FAT4: variants seen among roughly 807,000 people sequenced by gnomAD.
The protein encoded by FAT4 is FAT atypical cadherin 4, also known as protocadherin Fat 4.
Under a neutral mutation model 303.9 loss-of-function variants are expected in FAT4, and 84 were observed. That is an observed-to-expected ratio of 0.28 (90% CI 0.23 to 0.33). FAT4 has a LOEUF of 0.33. Ranked by LOEUF, FAT4 falls within the 10% of genes least tolerant of loss-of-function variation. The pLI is 1.00. For missense variants in FAT4, 6,005 were observed against 6,146.8 expected (o/e 0.98, Z 0.77); for synonymous variants, 2,307 against 2,298.8 (o/e 1.00, Z -0.10).
chr4:125,437,784 A>G (rs1197707541), intron 8 of FAT4, among the ~76,000 whole-genome samples: 1 of 152,226 alleles, frequency 6.6e-6, no homozygotes, highest in African/African-American at 2.4e-5. Flanking sequence ...AGTTGTGTGG[A>G]ATTGAATCCT....
intron 7 of FAT4, among the ~76,000 whole-genome samples, chr4:125,426,557 A>G (rs1560815442): frequency 6.6e-6 from 1 of 152,032 alleles, no homozygotes; most frequent in South Asian, 2.1e-4. Context: ...ATTATTCTAA[A>G]TCATTTATTT....
At chr4:125,402,114 A>C (rs2126015499) in intron 3 of FAT4, among the ~76,000 whole-genome samples, 1 of 152,082 alleles carries the variant, frequency 6.6e-6, no homozygotes, top group East Asian at 1.9e-4. Context: ...AATATGAAAA[A>C]GATTGTTTTT....
chr4:125,414,231 C>A (rs1157000675), intron 5 of FAT4, among the ~76,000 whole-genome samples: 1 of 152,008 alleles, frequency 6.6e-6, no homozygotes, highest in Non-Finnish European at 1.5e-5. Flanking sequence ...TAAAAAATGA[C>A]ACATGATCCT....
rs60730341 is a variant in FAT4, at chr4:125,471,895, C to CA, written c.12213+3108dup. ...TGAAACCCTGTCTCTACTAAAAATA[C>CA]AAAAAAAAAAAAAAAAAAAAAAAAA... On this transcript the variant is annotated intron_variant, in intron 12 of 17. Transcript: ENST00000394329. 2.1e-3 allele frequency among the ~76,000 whole-genome samples: 118 copies of CA among 56,094 alleles called. 2 individuals are homozygous for CA. Among genetic ancestry groups the CA allele is most frequent in the African/African-American group, 8.0e-3 (110 of 13,670 alleles). 36.8% of individuals were successfully genotyped at this position (56,094 alleles called of 152,430 possible).
chr4:125,352,625 A>G (rs1578550600), intron 2 of FAT4, among the ~76,000 whole-genome samples: 1 of 151,720 alleles, frequency 6.6e-6, no homozygotes, highest in Non-Finnish European at 1.5e-5. Flanking sequence ...ATTTGTGTAC[A>G]TCACAATGAG....
At position 125,490,644 on chromosome 4, in the gene FAT4, G is replaced by A. The variant is rs142894845; in HGVS notation, c.13828G>A (p.Ala4610Thr). ...IPHNSETIPS[A>T]PLASPEQEIE... ...TCACAACTCAGAAACCATCCCCAGC[G>A]CCCCTTTGGCATCTCCAGAGCAGGA... is the stretch of plus-strand genomic sequence containing the variant. Residue 4610 changes from alanine (A) to threonine (T), a missense_variant, in exon 18 of 18, where the codon GCC becomes ACC. Coordinates refer to ENST00000394329, the MANE Select transcript of FAT4 (RefSeq NM_001291303.3). 1.4e-4 allele frequency: 226 copies of A among 1,614,022 alleles called. 2 individuals are homozygous for A. The highest frequency in any genetic ancestry group is 8.9e-4 in the South Asian group (81 of 91,070).
intron 2 of FAT4, among the ~76,000 whole-genome samples, chr4:125,376,870 A>G (rs1332086080): frequency 6.6e-6 from 1 of 152,132 alleles, no homozygotes; most frequent in Non-Finnish European, 1.5e-5. Context: ...GGGCAACAAG[A>G]GTGAAACTCT....
rs1258955436 is a variant in FAT4, at chr4:125,315,071, CGTGT to C, written c.-916_-913del. On this transcript the variant is annotated 5_prime_UTR_variant, in exon 1 of 18. Coordinates refer to ENST00000394329, the MANE Select transcript of FAT4 (RefSeq NM_001291303.3). ...GCGACGCGCTGTGTGTGTGTGTGTG[CGTGT>C]GTATGTGTGTGTGTGTGCATGCCTG... is the stretch of plus-strand genomic sequence containing the variant. Among the ~76,000 whole-genome samples the C allele has an allele frequency of 1.3e-5, 2 of 151,302 alleles. No homozygotes were observed. The highest frequency in any genetic ancestry group is 3.0e-5 in the Non-Finnish European group (2 of 67,710).
At chr4:125,414,034 C>T (rs1030127011) in intron 5 of FAT4, among the ~76,000 whole-genome samples, 2 of 151,886 alleles carry the variant, frequency 1.3e-5, no homozygotes, top group African/African-American at 2.4e-5. Flanking sequence ...AAATGCACAT[C>T]GTTACAGGCC....
chr4:125,390,207 A>G (rs1733928516), intron 2 of FAT4, among the ~76,000 whole-genome samples: 1 of 152,112 alleles, frequency 6.6e-6, no homozygotes. Context: ...TTTGTTCCTA[A>G]TTACGAAATT....
intron 7 of FAT4, among the ~76,000 whole-genome samples, chr4:125,417,807 C>T (rs1403780157): frequency 2.0e-5 from 3 of 152,076 alleles, no homozygotes; most frequent in Non-Finnish European, 4.4e-5. Flanking sequence ...CACTGTTTTT[C>T]GAGTCGCTCT....
chr4:125,456,308 C>T (rs148158144), intron 10 of FAT4, among the ~76,000 whole-genome samples: 128 of 152,250 alleles, frequency 8.4e-4, no homozygotes, highest in African/African-American at 2.7e-3. Context: ...ATATCATAAA[C>T]TCTTTCTAGG....
intron 2 of FAT4, among the ~76,000 whole-genome samples, chr4:125,370,122 T>C (rs1733050147): frequency 6.6e-6 from 1 of 152,010 alleles, no homozygotes; most frequent in Non-Finnish European, 1.5e-5. Flanking sequence ...CATACTAGAT[T>C]TGGAAATAAT....
intron 12 of FAT4, among the ~76,000 whole-genome samples, chr4:125,473,601 AGTAGACATCACCTCACCCCCATTC>A (rs1726933242): frequency 1.3e-5 from 2 of 152,016 alleles, no homozygotes; most frequent in African/African-American, 4.8e-5. Context: ...GATGAGTAAT[AGTAGACATCACCTCACCCCCATTC>A]TCCACACATA....
Position 125,321,065 on chromosome 4 carries a change from G to C in FAT4, c.4654G>C (p.Ala1552Pro). The C allele has an allele frequency of 6.2e-7, 1 of 1,614,156 alleles. No individual in the cohort carries two copies. The highest frequency in any genetic ancestry group is 8.5e-7 in the Non-Finnish European group (1 of 1,180,008). The change falls in exon 2 of 18, where the codon GCT becomes CCT. Residue 1552 changes from alanine (A) to proline (P), a missense_variant. Coordinates refer to ENST00000394329, the MANE Select transcript of FAT4 (RefSeq NM_001291303.3). ...TGGTTCCGTTCTGACAACAATTATG[G>C]CTGCTGACCCAGATGAAGGTGCTAA... is the stretch of plus-strand genomic sequence containing the variant. Reference protein sequence around the residue: ...VIGSVLTTIMAADPDEGANGE... With the variant: ...VIGSVLTTIMPADPDEGANGE...
At chr4:125,456,401 A>G (rs1284807293) in intron 10 of FAT4, among the ~76,000 whole-genome samples, 1 of 152,156 alleles carries the variant, frequency 6.6e-6, no homozygotes, top group Non-Finnish European at 1.5e-5. Context: ...GTAGGAGATA[A>G]TCCAACTGAT....
intron 15 of FAT4, 24 bp downstream of exon 15, chr4:125,479,889 C>A: frequency 6.7e-7 from 1 of 1,486,536 alleles, no homozygotes; most frequent in South Asian, 1.5e-5. Flanking sequence ...TCCGTCTTCC[C>A]CTGGAAATTT....
chr4:125,436,157 T>C (rs1013689423), intron 8 of FAT4, among the ~76,000 whole-genome samples: 32 of 150,520 alleles, frequency 2.1e-4, no homozygotes, highest in African/African-American at 7.8e-4. Context: ...AACCTGCACA[T>C]TGTGCACATG....
intron 3 of FAT4, among the ~76,000 whole-genome samples, chr4:125,406,178 AT>A (rs1205063866): frequency 6.6e-6 from 1 of 152,094 alleles, no homozygotes; most frequent in Non-Finnish European, 1.5e-5. Context: ...TTAAATTGAT[AT>A]TTGTGTATAA....
Sources: allele counts gnomAD v4.1 joint callset (sites outside exome capture counted in the v4.1 genomes callset), GRCh38; gene constraint gnomAD v4.1.1; transcripts MANE v1.5; gene names NCBI Gene and HGNC (gene_info 2026-07-23, HGNC 2026-07-21).